Variants in PAPPA2 observed in about 807,000 individuals in gnomAD.
PAPPA2 encodes the protein pappalysin-2.
Under a neutral mutation model 176.4 loss-of-function variants are expected in PAPPA2, and 86 were observed. That is an observed-to-expected ratio of 0.49 (90% CI 0.41 to 0.58). The LOEUF (loss-of-function observed/expected upper bound fraction) is 0.58, where lower values mean the gene tolerates loss of function less well. Among genes scored for constraint, PAPPA2 ranks in the 20% least tolerant of loss-of-function variants. The pLI, the probability that PAPPA2 is intolerant of heterozygous loss-of-function variation, is 0.00. For synonymous variants in PAPPA2, 809 were observed against 852.2 expected (o/e 0.95, Z 0.88); for missense variants, 2,073 against 2,256.9 (o/e 0.92, Z 1.65).
intron 3 of PAPPA2, among the ~76,000 whole-genome samples, chr1:176,605,421 A>C (rs991200296): frequency 2.6e-5 from 4 of 152,238 alleles, no homozygotes; most frequent in African/African-American, 9.7e-5. Context: ...TGTGGCATTC[A>C]GGAACTCCAT....
intron 3 of PAPPA2, among the ~76,000 whole-genome samples, chr1:176,653,111 C>A (rs989641183): frequency 6.6e-6 from 1 of 151,690 alleles, no homozygotes; most frequent in African/African-American, 2.4e-5. Context: ...AAAAGGTGAG[C>A]ATGGAAGTAT....
At chr1:176,503,855 A>G (rs1648101083) in intron 1 of PAPPA2, among the ~76,000 whole-genome samples, 1 of 152,148 alleles carries the variant, frequency 6.6e-6, no homozygotes, top group African/African-American at 2.4e-5. Flanking sequence ...GTGGGAGAAG[A>G]ACATAGCAGG....
At chr1:176,673,218 C>T (rs1476370515) in intron 4 of PAPPA2, among the ~76,000 whole-genome samples, 4 of 152,002 alleles carry the variant, frequency 2.6e-5, no homozygotes, top group African/African-American at 9.7e-5. Context: ...CCAAGATGGT[C>T]GGGTAAACTG....
At position 176,845,042 on chromosome 1, in the gene PAPPA2, A is replaced by G. The variant is rs1222254030; in HGVS notation, c.*2588A>G. 1 of 152,212 alleles carries G rather than the reference A, an allele frequency of 6.6e-6. No homozygotes were observed. The highest frequency in any genetic ancestry group is 2.4e-5 in the African/African-American group (1 of 41,462). The allele number at this position is 152,212 out of a possible 1,614,324, so 9.4% of individuals were successfully genotyped here. On this transcript the variant is annotated 3_prime_UTR_variant, in exon 23 of 23. Coordinates refer to ENST00000367662, the MANE Select transcript of PAPPA2 (RefSeq NM_020318.3). Reference sequence around the variant, plus strand: ...CTATTCAGAGACAGCAGGTTCTTCCAGTCTTTGTTCCTGGGACCTGATGTT... The same window carrying G: ...CTATTCAGAGACAGCAGGTTCTTCCGGTCTTTGTTCCTGGGACCTGATGTT...
At chr1:176,517,816 C>T (rs1236492951) in intron 1 of PAPPA2, among the ~76,000 whole-genome samples, 1 of 152,078 alleles carries the variant, frequency 6.6e-6, no homozygotes, top group Non-Finnish European at 1.5e-5. Flanking sequence ...TGACTGGCCA[C>T]CTTCGACATG....
At chr1:176,793,862 G>C (rs1052225815) in intron 20 of PAPPA2, among the ~76,000 whole-genome samples, 193 bp downstream of exon 20, 3 of 152,162 alleles carry the variant, frequency 2.0e-5, no homozygotes, top group African/African-American at 4.8e-5. Context: ...GATATCCGCC[G>C]AGGTGGGCGG....
chr1:176,831,836 C>T (rs542869771), intron 21 of PAPPA2, among the ~76,000 whole-genome samples: 38 of 152,252 alleles, frequency 2.5e-4, no homozygotes, highest in African/African-American at 9.1e-4. Context: ...ACCCAAGTCA[C>T]CATTATGGTT....
rs1557909260 is a variant in PAPPA2 at position 176,844,560 on chromosome 1, AT to A, written c.*2108del. 6.6e-6 allele frequency: 1 copy of A among 152,200 alleles called. No individual in the cohort carries two copies. The highest frequency in any genetic ancestry group is 1.5e-5 in the Non-Finnish European group (1 of 68,018). The allele number at this position is 152,200 out of a possible 1,614,324, so 9.4% of individuals were successfully genotyped here. A position where few individuals can be genotyped will look rare whatever the true frequency, so the allele number is the denominator to read the frequency against. On this transcript the variant is annotated 3_prime_UTR_variant, in exon 23 of 23. Coordinates refer to ENST00000367662, the MANE Select transcript of PAPPA2 (RefSeq NM_020318.3). Reference sequence around the variant, plus strand: ...GTAAAGAAAATGTAGTTCAGATACCATTCATTGTCTTGGGTCATGCTTAGTG... The same window carrying A: ...GTAAAGAAAATGTAGTTCAGATACCATCATTGTCTTGGGTCATGCTTAGTG...
chr1:176,604,354 G>C (rs918253415), intron 3 of PAPPA2, among the ~76,000 whole-genome samples: 1 of 151,992 alleles, frequency 6.6e-6, no homozygotes, highest in Admixed American at 6.6e-5. Flanking sequence ...GTTTTTATAC[G>C]TTTGGGCGAC....
intron 4 of PAPPA2, among the ~76,000 whole-genome samples, chr1:176,678,590 C>A (rs1473509230): frequency 1.3e-5 from 2 of 151,558 alleles, no homozygotes; most frequent in Admixed American, 1.3e-4. Context: ...CCTTTACTAT[C>A]TGTTTCTGGA....
At chr1:176,691,587 A>C (rs929660749) in intron 5 of PAPPA2, among the ~76,000 whole-genome samples, 1 of 152,226 alleles carries the variant, frequency 6.6e-6, no homozygotes, top group African/African-American at 2.4e-5. Context: ...TGGCACTAAG[A>C]AAACTCCCTT....
chr1:176,552,057 C>A (rs1041105063), intron 1 of PAPPA2, among the ~76,000 whole-genome samples: 21 of 152,184 alleles, frequency 1.4e-4, no homozygotes, highest in African/African-American at 5.1e-4. Flanking sequence ...GTTTTCTGTA[C>A]GTAAAACCTA....
At chr1:176,547,241 G>T (rs1225314912) in intron 1 of PAPPA2, among the ~76,000 whole-genome samples, 1 of 152,140 alleles carries the variant, frequency 6.6e-6, no homozygotes, top group Non-Finnish European at 1.5e-5. Flanking sequence ...TCATGGGTCT[G>T]TCTCCTAAGC....
intron 19 of PAPPA2, among the ~76,000 whole-genome samples, chr1:176,793,115 G>T (rs1665255146): frequency 6.6e-6 from 1 of 152,184 alleles, no homozygotes; most frequent in South Asian, 2.1e-4. Flanking sequence ...TTAGGTAGTA[G>T]TTGTTGCAAT....
chr1:176,599,793 C>T (rs1654208767), intron 3 of PAPPA2, among the ~76,000 whole-genome samples: 1 of 151,736 alleles, frequency 6.6e-6, no homozygotes, highest in Non-Finnish European at 1.5e-5. Flanking sequence ...ATGTCTAATG[C>T]TTATTCACAG....
chr1:176,533,345 A>G (rs1309564387), intron 1 of PAPPA2, among the ~76,000 whole-genome samples: 2 of 152,230 alleles, frequency 1.3e-5, no homozygotes, highest in East Asian at 3.9e-4. Flanking sequence ...GACTCTGTCC[A>G]TAGATTCTGC....
chr1:176,788,713 A>G (rs987368755), intron 17 of PAPPA2, among the ~76,000 whole-genome samples: 1 of 152,198 alleles, frequency 6.6e-6, no homozygotes, highest in Non-Finnish European at 1.5e-5. Flanking sequence ...ATGTCTGGGC[A>G]TGAGAAGGAG....
chr1:176,594,006 T>TC (rs1256931616), intron 2 of PAPPA2, among the ~76,000 whole-genome samples: 2 of 152,202 alleles, frequency 1.3e-5, no homozygotes, highest in Non-Finnish European at 2.9e-5. Context: ...CTAAAAAGAC[T>TC]CCCTAATTAA....
intron 8 of PAPPA2, among the ~76,000 whole-genome samples, chr1:176,700,916 A>G (rs1389013691): frequency 2.0e-5 from 3 of 152,160 alleles, no homozygotes; most frequent in African/African-American, 4.8e-5. Context: ...AATTAGAACT[A>G]GAAGATAGTG....
Sources: allele counts gnomAD v4.1 joint callset (sites outside exome capture counted in the v4.1 genomes callset), GRCh38; gene constraint gnomAD v4.1.1; transcripts MANE v1.5; gene names NCBI Gene and HGNC (gene_info 2026-07-23, HGNC 2026-07-21).